KAT14: variants seen among roughly 807,000 people sequenced by gnomAD.
The protein encoded by KAT14 is lysine acetyltransferase 14.
In KAT14, 66 loss-of-function variants were observed where a neutral mutation model predicts 78.4. The ratio of observed to expected loss-of-function variants is 0.84; its 90% CI spans 0.69 to 1.03. The LOEUF (loss-of-function observed/expected upper bound fraction) is 1.03, where lower values mean the gene tolerates loss of function less well. Among genes scored for constraint, KAT14 ranks in the 50% least tolerant of loss-of-function variants. The probability of loss-of-function intolerance (pLI) is 0.00; values close to 1 mark genes in which losing one functional copy is unlikely to be tolerated. For missense variants in KAT14, 870 were observed against 972.5 expected, an observed-to-expected ratio of 0.89 and a Z score of 1.40; for synonymous variants, 344 against 359.4, an observed-to-expected ratio of 0.96 and a Z score of 0.48.
intron 4 of KAT14, among the ~76,000 whole-genome samples, chr20:18,157,788 C>T (rs1219882215): frequency 1.3e-5 from 2 of 152,076 alleles, no homozygotes; most frequent in Admixed American, 6.5e-5. Flanking sequence ...ATAGGATTTC[C>T]TTTATTTTTA....
chr20:18,148,046 G>T (rs8116373), intron 3 of KAT14, among the ~76,000 whole-genome samples: 1 of 152,158 alleles, frequency 6.6e-6, no homozygotes, highest in African/African-American at 2.4e-5. Context: ...AGTTGCATCT[G>T]AAAAAGCCCA....
At chr20:18,170,170 C>T (rs1322586787) in intron 7 of KAT14, among the ~76,000 whole-genome samples, 1 of 152,210 alleles carries the variant, frequency 6.6e-6, no homozygotes, top group Non-Finnish European at 1.5e-5. Flanking sequence ...ATCTAGAAGA[C>T]CTAGCTAAGA....
chr20:18,141,438 A>T (rs1293136929), intron 1 of KAT14, among the ~76,000 whole-genome samples: 1 of 152,150 alleles, frequency 6.6e-6, no homozygotes, highest in African/African-American at 2.4e-5. Flanking sequence ...TTAACTTTAC[A>T]TGCTAGAAGC....
At chr20:18,175,678 C>CT (rs1288319398) in intron 7 of KAT14, among the ~76,000 whole-genome samples, 1 of 151,798 alleles carries the variant, frequency 6.6e-6, no homozygotes, top group Admixed American at 6.6e-5. Context: ...CCTTGGGATG[C>CT]TTTTTTTTCC....
chr20:18,145,138 A>G (rs1199311060), intron 2 of KAT14, 95 bp from the exon 3 acceptor site: 7 of 1,483,366 alleles, frequency 4.7e-6, no homozygotes, highest in South Asian at 4.3e-5. Context: ...AGAAGACAAC[A>G]TGGGAAAGGA....
chr20:18,166,274 G>A (rs2038638603), intron 7 of KAT14, among the ~76,000 whole-genome samples: 1 of 152,132 alleles, frequency 6.6e-6, no homozygotes, highest in Non-Finnish European at 1.5e-5. Context: ...TGGCTGGAGC[G>A]GGACCTCACA....
At chr20:18,187,190 A>G (rs2039476027) in intron 10 of KAT14, 96 bp from the exon 11 acceptor site, 4 of 1,460,752 alleles carry the variant, frequency 2.7e-6, no homozygotes, top group African/African-American at 1.4e-5. Context: ...TCCGGTTTCC[A>G]TAACTAACTG....
At chr20:18,172,027 A>C (rs2038861688) in intron 7 of KAT14, among the ~76,000 whole-genome samples, 1 of 152,204 alleles carries the variant, frequency 6.6e-6, no homozygotes, top group Admixed American at 6.5e-5. Context: ...TTAACAATAA[A>C]GTGTTTAAAA....
Position 18,162,904 on chromosome 20 carries a change from A to G in KAT14, c.1627A>G (p.Arg543Gly), listed in dbSNP as rs1021174502. 6 of 1,614,120 alleles carry G rather than the reference A, an allele frequency of 3.7e-6. 1 individual carries two copies. In the South Asian group the frequency reaches 5.5e-5, roughly 15 times the overall value. Residue 543 changes from arginine to glycine, a missense_variant, in exon 7 of 11, where the codon AGA becomes GGA. Transcript: ENST00000688188. ...SRLPAGQATY[R>G]TTCQDFRILD... ...ACTTCCAGCTGGACAAGCCACGTAC[A>G]GAACCACCTGTCAGGACTTCAGAAT...
At position 18,161,824 on chromosome 20, in the gene KAT14, C is replaced by T; in HGVS notation, c.684C>T (p.Ala228=). 2 of 1,611,362 alleles carry T rather than the reference C, an allele frequency of 1.2e-6. 1 individual carries two copies. The highest frequency in any genetic ancestry group is 4.5e-5 in the East Asian group (2 of 44,866). The part of the protein sequence containing the change: ...KLSASTLKIK[A]SKPTLDPIIT... ...CCTGTATTTATTCTTTCTTAGCAGCCTCAAAACCAACTTTAGATCCCATCA... is the reference window on the plus strand; with the variant it reads ...CCTGTATTTATTCTTTCTTAGCAGCTTCAAAACCAACTTTAGATCCCATCA... The change falls in exon 6 of 11, where the codon GCC becomes GCT. Residue 228 remains alanine, a splice_region_variant and synonymous_variant. Coordinates refer to ENST00000688188, the MANE Select transcript of KAT14 (RefSeq NM_001392073.1).
At chr20:18,178,720 G>C (rs924046382) in intron 7 of KAT14, among the ~76,000 whole-genome samples, 5 of 151,794 alleles carry the variant, frequency 3.3e-5, no homozygotes, top group African/African-American at 1.2e-4. Context: ...GATGAGATTT[G>C]AGTGGAGACA....
At chr20:18,184,871 A>G in intron 10 of KAT14, 79 bp downstream of exon 10, 1 of 1,439,950 alleles carries the variant, frequency 6.9e-7, no homozygotes, top group South Asian at 1.5e-5. Context: ...AAGCTGAGCT[A>G]GCCCTTCCCA....
chr20:18,180,825 A>C (rs1488495561), intron 7 of KAT14, among the ~76,000 whole-genome samples: 1 of 152,200 alleles, frequency 6.6e-6, no homozygotes, highest in Non-Finnish European at 1.5e-5. Flanking sequence ...AACCGCCCCC[A>C]TGATTCAAAT....
At chr20:18,187,011 C>T (rs1215870395) in intron 10 of KAT14, among the ~76,000 whole-genome samples, 1 of 152,126 alleles carries the variant, frequency 6.6e-6, no homozygotes, top group African/African-American at 2.4e-5. Context: ...AATAATAAAG[C>T]TGACAATAAC....
intron 4 of KAT14, among the ~76,000 whole-genome samples, chr20:18,152,467 C>T (rs1215396623): frequency 2.0e-5 from 3 of 152,160 alleles, no homozygotes. Flanking sequence ...ATCCCAGCTA[C>T]TCGGGAGGCT....
intron 7 of KAT14, among the ~76,000 whole-genome samples, chr20:18,179,426 C>T (rs1217565332): frequency 6.6e-6 from 1 of 152,230 alleles, no homozygotes; most frequent in Non-Finnish European, 1.5e-5. Context: ...CAGGTGTTTC[C>T]ATACATCTTC....
intron 7 of KAT14, among the ~76,000 whole-genome samples, chr20:18,180,184 G>A (rs528003597): frequency 1.7e-3 from 255 of 152,226 alleles, no homozygotes; most frequent in African/African-American, 5.8e-3. Flanking sequence ...GTCACCTCTT[G>A]AATGCTCTGC....
intron 7 of KAT14, among the ~76,000 whole-genome samples, chr20:18,163,716 T>C (rs1217487603): frequency 6.6e-6 from 1 of 152,234 alleles, no homozygotes; most frequent in Non-Finnish European, 1.5e-5. Flanking sequence ...GCTGGTGTTC[T>C]GGTATTATTC....
chr20:18,170,680 G>A (rs6081017), intron 7 of KAT14, among the ~76,000 whole-genome samples: 18,070 of 152,044 alleles, frequency 0.12, 1,393 homozygotes, highest in African/African-American at 0.22. Flanking sequence ...GACTACAGGC[G>A]TCCGCCACCA....
Sources: gnomAD v4.1 joint callset for allele counts (sites outside exome capture counted in the v4.1 genomes callset) on GRCh38, gnomAD v4.1.1 for gene constraint, MANE v1.5 for transcripts, NCBI Gene and HGNC (gene_info 2026-07-23, HGNC 2026-07-21) for gene names.